FREM2: variants seen among roughly 807,000 people sequenced by gnomAD.
The protein encoded by FREM2 is FRAS1 related extracellular matrix 2.
Under a neutral mutation model 219.9 loss-of-function variants are expected in FREM2, and 119 were observed. That is an observed-to-expected ratio of 0.54 (90% CI 0.47 to 0.63). The LOEUF (loss-of-function observed/expected upper bound fraction) is 0.63, where lower values mean the gene tolerates loss of function less well. Among genes scored for constraint, FREM2 ranks in the 30% least tolerant of loss-of-function variants. FREM2 has a pLI of 0.00. For missense variants in FREM2, 4,030 were observed against 3,993.6 expected (o/e 1.01, Z -0.25); for synonymous variants, 1,562 against 1,522.8 (o/e 1.03, Z -0.60).
intron 6 of FREM2, among the ~76,000 whole-genome samples, chr13:38,789,385 A>G (rs148745800): frequency 6.6e-6 from 1 of 151,774 alleles, no homozygotes; most frequent in Non-Finnish European, 1.5e-5. Flanking sequence ...AAAATTCTTA[A>G]AAGTCTCTAT....
intron 2 of FREM2, among the ~76,000 whole-genome samples, chr13:38,714,574 T>C (rs746162359): frequency 5.9e-5 from 9 of 152,188 alleles, no homozygotes; most frequent in Non-Finnish European, 1.0e-4. Context: ...TCTTAAAGAT[T>C]ACTAAGAGAG....
intron 6 of FREM2, among the ~76,000 whole-genome samples, chr13:38,810,143 GAATGCT>G (rs1325786983): frequency 2.0e-5 from 3 of 151,788 alleles, no homozygotes; most frequent in Non-Finnish European, 4.4e-5. Context: ...TGACATATAG[GAATGCT>G]ATTGATTTTT....
chr13:38,839,214 G>A (rs1216975499), intron 6 of FREM2, among the ~76,000 whole-genome samples: 1 of 152,120 alleles, frequency 6.6e-6, no homozygotes, highest in East Asian at 1.9e-4. Flanking sequence ...TAACAGTCAG[G>A]TCCCTCTTCT....
intron 2 of FREM2, among the ~76,000 whole-genome samples, chr13:38,748,948 C>T (rs1872591987): frequency 6.6e-6 from 1 of 152,090 alleles, no homozygotes; most frequent in Non-Finnish European, 1.5e-5. Context: ...TACTGACAAG[C>T]ACATGTGCAT....
chr13:38,851,963 G>A (rs777136779), intron 11 of FREM2, 95 bp downstream of exon 11: 2 of 1,172,962 alleles, frequency 1.7e-6, no homozygotes, highest in Non-Finnish European at 2.5e-6. Context: ...ACATCCAATT[G>A]AAATCAAAAT....
At chr13:38,771,317 GC>G (rs920334278) in intron 4 of FREM2, among the ~76,000 whole-genome samples, 6 of 152,036 alleles carry the variant, frequency 3.9e-5, no homozygotes, top group Admixed American at 1.3e-4. Flanking sequence ...GAAAAATAAA[GC>G]TTTTCTCTTT....
chr13:38,740,161 A>C (rs1305021586), intron 2 of FREM2, among the ~76,000 whole-genome samples: 3 of 152,232 alleles, frequency 2.0e-5, no homozygotes, highest in African/African-American at 7.2e-5. Flanking sequence ...GGATATTCTC[A>C]ATATGTTTTT....
At chr13:38,698,711 G>A (rs983467015) in intron 2 of FREM2, among the ~76,000 whole-genome samples, 1 of 152,066 alleles carries the variant, frequency 6.6e-6, no homozygotes, top group Non-Finnish European at 1.5e-5. Context: ...TTTAAAAATG[G>A]CACACTATTA....
At chr13:38,769,252 T>C (rs1302412958) in intron 3 of FREM2, among the ~76,000 whole-genome samples, 1 of 152,206 alleles carries the variant, frequency 6.6e-6, no homozygotes. Flanking sequence ...TTTAAGATTG[T>C]ATAACTTGTA....
Position 38,758,575 on chromosome 13 carries a change from C to T in FREM2, c.5264-5729C>T, listed in dbSNP as rs78058778. Among the ~76,000 whole-genome samples the T allele has an allele frequency of 1.6e-4, 24 of 152,290 alleles. No individual in the cohort carries two copies. The East Asian group carries it at 4.3e-3, about 27-fold the overall frequency. ...CCTGGGGGCAGGGTAAGAGCCAAGT[C>T]GGCTTCAGCTCTGCACCAGGTGGTT... On this transcript the variant is annotated intron_variant, in intron 2 of 23. Transcript: ENST00000280481.
intron 2 of FREM2, among the ~76,000 whole-genome samples, chr13:38,704,182 T>G (rs1443916649): frequency 6.6e-6 from 1 of 152,202 alleles, no homozygotes; most frequent in Non-Finnish European, 1.5e-5. Context: ...AGATTCCTTG[T>G]AAATTTCTTT....
At chr13:38,763,506 C>T (rs1873317166) in intron 2 of FREM2, among the ~76,000 whole-genome samples, 1 of 95,516 alleles carries the variant, frequency 1.0e-5, no homozygotes, top group African/African-American at 3.7e-5. Flanking sequence ...ACTTAAAAGG[C>T]ATTACTGATG....
Position 38,878,924 on chromosome 13 carries a change from G to A in FREM2, c.8953G>A (p.Val2985Met). The A allele has an allele frequency of 1.2e-6, 2 of 1,614,118 alleles. No homozygotes were observed. Among genetic ancestry groups the A allele is most frequent in the Non-Finnish European group, 1.7e-6 (2 of 1,179,992 alleles). ...GGATGACCCTGAAGCCATTCTCTTA[G>A]TGAATCAGCCTGGATCTGATGGATT... is the stretch of plus-strand genomic sequence containing the variant. ...AVDDPEAILL[V>M]NQPGSDGFKV... The change falls in exon 23 of 24, where the codon GTG (valine) becomes ATG (methionine). Residue 2985 changes from valine (V) to methionine (M), a missense_variant. Val to Met is a conservative substitution (Grantham distance 21). Coordinates refer to ENST00000280481, the MANE Select transcript of FREM2 (RefSeq NM_207361.6).
intron 2 of FREM2, among the ~76,000 whole-genome samples, chr13:38,708,274 G>C (rs1870619817): frequency 6.6e-6 from 1 of 152,124 alleles, no homozygotes; most frequent in Non-Finnish European, 1.5e-5. Flanking sequence ...ATTTCTTCCA[G>C]TGCAATTCTA....
intron 16 of FREM2, among the ~76,000 whole-genome samples, chr13:38,868,043 C>G (rs1878032448): frequency 6.6e-6 from 1 of 152,178 alleles, no homozygotes; most frequent in Non-Finnish European, 1.5e-5. Flanking sequence ...AGATGGCGGT[C>G]CCATTTTCTT....
Position 38,880,586 on chromosome 13 carries a change from C to G in FREM2, c.9309C>G (p.Asn3103Lys). The change falls in exon 24 of 24, where the codon AAC (asparagine) becomes AAG (lysine). Residue 3103 changes from asparagine (N) to lysine (K), a missense_variant. Physicochemically the swap from Asn to Lys is moderately conservative, Grantham distance 94. Transcript: ENST00000280481. Reference protein sequence around the residue: ...PPDGILPWELNSPSSAVSLVT... With the variant: ...PPDGILPWELKSPSSAVSLVT... ...ATGGCATCCTCCCCTGGGAGCTCAA[C>G]AGCCCCAGCTCTGCAGTCAGCCTGG... 6.2e-7 allele frequency: 1 copy of G among 1,614,084 alleles called. No individual in the cohort carries two copies. Among genetic ancestry groups the G allele is most frequent in the Non-Finnish European group, 8.5e-7 (1 of 1,179,914 alleles).
chr13:38,804,801 G>A lies in FREM2; in HGVS notation c.6019+19993G>A, dbSNP rs188724691. ...AGGGAAAGGCTTTTGGGCACAGTGA[G>A]CATTCCAGTTTGGCCAGGCTCCCTT... On this transcript the variant is annotated intron_variant, in intron 6 of 23. Transcript: ENST00000280481. 1.1e-4 allele frequency among the ~76,000 whole-genome samples: 16 copies of A among 152,234 alleles called. No individual in the cohort carries two copies. In the East Asian group the frequency reaches 2.9e-3, roughly 28 times the overall value.
chr13:38,691,217 G>A lies in FREM2; in HGVS notation c.3873G>A (p.Thr1291=), dbSNP rs753703757. 2.5e-6 allele frequency: 4 copies of A among 1,613,818 alleles called. No individual in the cohort carries two copies. The highest frequency in any genetic ancestry group is 1.3e-5 in the African/African-American group (1 of 74,850). The change falls in exon 1 of 24, where the codon ACG becomes ACA. Residue 1291 remains threonine (T), a synonymous_variant. Transcript: ENST00000280481. Reference sequence around the variant, plus strand: ...ATGGGAAGCACTCTGTGGAAAAGACGGTCCTCATTATAGTTATCCCTGTTG... The same window carrying A: ...ATGGGAAGCACTCTGTGGAAAAGACAGTCCTCATTATAGTTATCCCTGTTG... ...LTDGKHSVEK[T]VLIIVIPVDD...
chr13:38,781,220 G>A (rs1874103199), intron 4 of FREM2, among the ~76,000 whole-genome samples: 1 of 151,910 alleles, frequency 6.6e-6, no homozygotes, highest in Non-Finnish European at 1.5e-5. Context: ...GGCACAACCT[G>A]CCCCAAGGCC....
Sources: gnomAD v4.1 joint callset for allele counts (sites outside exome capture counted in the v4.1 genomes callset) on GRCh38, gnomAD v4.1.1 for gene constraint, MANE v1.5 for transcripts, NCBI Gene and HGNC (gene_info 2026-07-23, HGNC 2026-07-21) for gene names.